Variants in ESR2 observed in about 807,000 individuals in gnomAD.
ESR2 encodes estrogen receptor beta.
Under a neutral mutation model 49.6 loss-of-function variants are expected in ESR2, and 36 were observed. The ratio of observed to expected loss-of-function variants is 0.73; its 90% confidence interval spans 0.56 to 0.96. The LOEUF (loss-of-function observed/expected upper bound fraction) is 0.96. ESR2 is among the 40% of genes least tolerant of loss of function. The probability of loss-of-function intolerance (pLI) is 0.00; values close to 1 mark genes in which losing one functional copy is unlikely to be tolerated. For synonymous variants in ESR2, 320 were observed against 266.1 expected (o/e 1.20, Z -1.97); for missense variants, 714 against 693.0 (o/e 1.03, Z -0.34).
chr14:64,239,151 A>G (rs145967022), intron 7 of ESR2, among the ~76,000 whole-genome samples: 1 of 152,262 alleles, frequency 6.6e-6, no homozygotes, highest in East Asian at 1.9e-4. Context: ...GCCCTCTGTC[A>G]CCACCTCCTG....
In ESR2 at chr14:64,282,617, G is replaced by T; in HGVS notation, c.362+7C>A. On this transcript the variant is annotated splice_region_variant and intron_variant, in intron 2 of 8. Coordinates refer to ENST00000341099, the MANE Select transcript of ESR2 (RefSeq NM_001437.3). Reference sequence around the variant, plus strand: ...CAACTATAATTCAGAATGAAGACTGGACTTACCTGTTTACAGGTAAGGTGT... The same window carrying T: ...CAACTATAATTCAGAATGAAGACTGTACTTACCTGTTTACAGGTAAGGTGT... 1.3e-6 allele frequency: 2 copies of T among 1,585,536 alleles called. No individual in the cohort carries two copies. The highest frequency in any genetic ancestry group is 1.7e-6 in the Non-Finnish European group (2 of 1,160,060).
At chr14:64,323,038 G>T (rs973944940) in intron 1 of ESR2, among the ~76,000 whole-genome samples, 1 of 152,128 alleles carries the variant, frequency 6.6e-6, no homozygotes, top group African/African-American at 2.4e-5. Context: ...TTATTAGAAT[G>T]ATCTTAGTTT....
At chr14:64,323,847 A>ACAC (rs1486386243) in intron 1 of ESR2, among the ~76,000 whole-genome samples, 2 of 151,886 alleles carry the variant, frequency 1.3e-5, no homozygotes, top group Admixed American at 6.6e-5. Context: ...GTGAGCCACT[A>ACAC]CACCTGGCTA....
chr14:64,291,547 T>C (rs962993563), intron 1 of ESR2, among the ~76,000 whole-genome samples: 1 of 152,224 alleles, frequency 6.6e-6, no homozygotes, highest in Non-Finnish European at 1.5e-5. Context: ...ATTTTATATA[T>C]ATATATGTTA....
Position 64,232,963 on chromosome 14 carries a change from C to T in ESR2, c.*174G>A, listed in dbSNP as rs183618483. 82 of 1,349,904 alleles carry T rather than the reference C, an allele frequency of 6.1e-5. 2 individuals are homozygous for T. The South Asian group carries it at 1.3e-3, about 22-fold the overall frequency. The allele number at this position is 1,349,904 out of a possible 1,614,324, so 83.6% of individuals were successfully genotyped here. A position where few individuals can be genotyped will look rare whatever the true frequency, so the allele number is the denominator to read the frequency against. On this transcript the variant is annotated 3_prime_UTR_variant, in exon 9 of 9. Coordinates refer to ENST00000341099, the MANE Select transcript of ESR2 (RefSeq NM_001437.3). ...TGCTAACAAGGGAAACTATGGCTTC[C>T]TCACACCGACTCCTGAGAGTTGGGA... is the stretch of plus-strand genomic sequence containing the variant.
intron 1 of ESR2, among the ~76,000 whole-genome samples, chr14:64,285,803 G>A (rs1263761890): frequency 3.5e-5 from 5 of 140,874 alleles, no homozygotes; most frequent in Non-Finnish European, 7.5e-5. Flanking sequence ...CTCCAGCCCA[G>A]GTGACAGAGT....
At chr14:64,238,905 C>G (rs370695691) in intron 7 of ESR2, among the ~76,000 whole-genome samples, 13 of 152,284 alleles carry the variant, frequency 8.5e-5, no homozygotes, top group South Asian at 6.2e-4. Flanking sequence ...TGGTGACATT[C>G]TGAGCAGCAC....
chr14:64,254,633 C>T (rs1300867784), intron 6 of ESR2, among the ~76,000 whole-genome samples: 1 of 151,756 alleles, frequency 6.6e-6, no homozygotes, highest in East Asian at 1.9e-4. Context: ...TGGCACATGC[C>T]TGTAATCCCA....
At chr14:64,290,469 C>T (rs927591772) in intron 1 of ESR2, among the ~76,000 whole-genome samples, 2 of 152,056 alleles carry the variant, frequency 1.3e-5, no homozygotes, top group South Asian at 2.1e-4. Context: ...GTGGCATGAT[C>T]GCGGCTCACT....
intron 6 of ESR2, among the ~76,000 whole-genome samples, chr14:64,250,893 T>C (rs2075973082): frequency 6.6e-6 from 1 of 152,200 alleles, no homozygotes; most frequent in South Asian, 2.1e-4. Context: ...CACACAGAGC[T>C]ACAAGCATGC....
In ESR2 at chr14:64,232,004, T is replaced by C. The variant is rs1482416601; in HGVS notation, c.*1133A>G. 4.6e-5 allele frequency: 7 copies of C among 152,194 alleles called. No individual in the cohort carries two copies. 9.4% of individuals were successfully genotyped at this position (152,194 alleles called of 1,614,324 possible). ...AAAGAGCTCTCAAGTGTAAAAGAAT[T>C]CTTTCTTGCTATAAATAATTATCCC... On this transcript the variant is annotated 3_prime_UTR_variant, in exon 9 of 9. Transcript: ENST00000341099.
chr14:64,253,969 T>C (rs1487371396), intron 6 of ESR2, among the ~76,000 whole-genome samples: 3 of 152,096 alleles, frequency 2.0e-5, no homozygotes, highest in Non-Finnish European at 4.4e-5. Flanking sequence ...GACAGTCAGG[T>C]TCTTTAGATC....
intron 8 of ESR2, chr14:64,234,610 T>G: frequency 2.9e-6 from 1 of 348,504 alleles, no homozygotes; most frequent in Admixed American, 4.4e-5. Flanking sequence ...TCTTAGCCTC[T>G]CCACAAAAAG....
At chr14:64,274,813 T>C (rs926465363) in intron 3 of ESR2, among the ~76,000 whole-genome samples, 9 of 152,204 alleles carry the variant, frequency 5.9e-5, no homozygotes. Flanking sequence ...TCCATTACCA[T>C]TTGTTTCAAG....
chr14:64,284,889 A>T (rs375870570), intron 1 of ESR2, among the ~76,000 whole-genome samples: 20 of 141,428 alleles, frequency 1.4e-4, no homozygotes, highest in African/African-American at 5.4e-4. Context: ...TCGCACTGTC[A>T]CCCAGGCTGG....
intron 1 of ESR2, among the ~76,000 whole-genome samples, chr14:64,319,003 T>C (rs1023375600): frequency 1.2e-4 from 18 of 151,646 alleles, no homozygotes; most frequent in Middle Eastern, 3.4e-3. Flanking sequence ...ATTGCATCAC[T>C]GCACTCCAGC....
At chr14:64,248,776 T>A (rs1236389632) in intron 7 of ESR2, among the ~76,000 whole-genome samples, 1 of 152,186 alleles carries the variant, frequency 6.6e-6, no homozygotes, top group Non-Finnish European at 1.5e-5. Context: ...CACGCCATAA[T>A]GTCAGTTCAG....
chr14:64,314,975 G>A (rs1426241864), intron 1 of ESR2, among the ~76,000 whole-genome samples: 2 of 151,286 alleles, frequency 1.3e-5, no homozygotes, highest in East Asian at 1.9e-4. Context: ...GGATGGACGC[G>A]GTGGCTCATG....
chr14:64,281,589 T>C (rs1280428809), intron 2 of ESR2, among the ~76,000 whole-genome samples: 1 of 152,196 alleles, frequency 6.6e-6, no homozygotes, highest in Non-Finnish European at 1.5e-5. Context: ...TATTTGAAAG[T>C]AGTGAATTTC....
Sources: gnomAD v4.1 joint callset for allele counts (sites outside exome capture counted in the v4.1 genomes callset) on GRCh38, gnomAD v4.1.1 for gene constraint, MANE v1.5 for transcripts, NCBI Gene and HGNC (gene_info 2026-07-23, HGNC 2026-07-21) for gene names.